SIPA1L2: variants seen among roughly 807,000 people sequenced by gnomAD.
The protein encoded by SIPA1L2 is signal-induced proliferation-associated 1-like protein 2.
SIPA1L2 carries 56 observed loss-of-function variants against 163.9 expected under a neutral mutation model. The observed-to-expected ratio is 0.34, with a 90% CI of 0.28 to 0.43. The LOEUF (loss-of-function observed/expected upper bound fraction) is 0.43, where lower values mean the gene tolerates loss of function less well. SIPA1L2 is among the 20% of genes least tolerant of loss of function. The pLI is 1.00. For synonymous variants in SIPA1L2, 877 were observed against 865.7 expected (o/e 1.01, Z -0.23); for missense variants, 1,974 against 2,193.5 (o/e 0.90, Z 2.00).
At chr1:232,459,215 C>T (rs187191187) in intron 10 of SIPA1L2, among the ~76,000 whole-genome samples, 16 of 152,262 alleles carry the variant, frequency 1.1e-4, no homozygotes, top group Admixed American at 1.0e-3. Flanking sequence ...CAACACGTGG[C>T]CAATTAAATG....
Position 232,536,513 on chromosome 1 carries a change from C to T in SIPA1L2, c.-269-20905G>A, listed in dbSNP as rs74144363. 8.2e-3 allele frequency among the ~76,000 whole-genome samples: 1,243 copies of T among 152,238 alleles called. 26 individuals carry two copies. The highest frequency in any genetic ancestry group is 0.029 in the African/African-American group (1,190 of 41,528). On this transcript the variant is annotated intron_variant, in intron 2 of 22. Transcript: ENST00000674635. ...CCCTGTTTCAGATGGTATGTGACAC[C>T]AGTGATGCAAAGCCCAGGGACTGAG...
At chr1:232,583,789 C>T (rs142874068) in intron 1 of SIPA1L2, among the ~76,000 whole-genome samples, 1 of 152,142 alleles carries the variant, frequency 6.6e-6, no homozygotes, top group Non-Finnish European at 1.5e-5. Flanking sequence ...AAACTGATAA[C>T]TCTGCTAATA....
At chr1:232,560,048 T>A (rs1232964980) in intron 2 of SIPA1L2, among the ~76,000 whole-genome samples, 6 of 152,232 alleles carry the variant, frequency 3.9e-5, no homozygotes, top group Non-Finnish European at 8.8e-5. Context: ...GCTCTCTCTC[T>A]CACACACAGA....
At chr1:232,609,913 G>C (rs1406429642) in intron 1 of SIPA1L2, among the ~76,000 whole-genome samples, 1 of 151,758 alleles carries the variant, frequency 6.6e-6, no homozygotes, top group Non-Finnish European at 1.5e-5. Flanking sequence ...ATAATGATAT[G>C]CATGATGTCT....
intron 1 of SIPA1L2, among the ~76,000 whole-genome samples, chr1:232,601,774 A>G (rs1042987979): frequency 6.6e-6 from 1 of 152,232 alleles, no homozygotes; most frequent in African/African-American, 2.4e-5. Context: ...TCTTTACAGT[A>G]CATTTTTCAA....
chr1:232,483,124 T>A (rs1665449113), intron 6 of SIPA1L2, among the ~76,000 whole-genome samples: 1 of 151,932 alleles, frequency 6.6e-6, no homozygotes, highest in African/African-American at 2.4e-5. Flanking sequence ...TTAGACAAAT[T>A]CATGCATCCT....
rs187219438 is a variant in SIPA1L2 at position 232,522,381 on chromosome 1, T to C, written c.-269-6773A>G. 2.9e-4 allele frequency among the ~76,000 whole-genome samples: 44 copies of C among 152,272 alleles called. 1 individual carries two copies. Among genetic ancestry groups the C allele is most frequent in the Admixed American group, 2.8e-3 (43 of 15,294 alleles). On this transcript the variant is annotated intron_variant, in intron 2 of 22. Coordinates refer to ENST00000674635, the MANE Select transcript of SIPA1L2 (RefSeq NM_020808.5). Reference sequence around the variant, plus strand: ...CCTCTGCCCACATCTCTTCAAGATGTATTTATTTCCTGCCTTACTAAGAGG... The same window carrying C: ...CCTCTGCCCACATCTCTTCAAGATGCATTTATTTCCTGCCTTACTAAGAGG...
chr1:232,627,489 G>C lies in SIPA1L2; in HGVS notation c.-319+2380C>G, dbSNP rs140947681. ...GTGTTTACTAAGCTCAGGTATCAAG[G>C]AACCCTTCAAAACACCATCCCAGTC... On this transcript the variant is annotated intron_variant, in intron 1 of 22. Transcript: ENST00000674635. 9.8e-3 allele frequency among the ~76,000 whole-genome samples: 1,479 copies of C among 151,544 alleles called. 15 individuals carry two copies. The highest frequency in any genetic ancestry group is 0.012 in the Non-Finnish European group (823 of 67,890).
intron 2 of SIPA1L2, among the ~76,000 whole-genome samples, chr1:232,520,018 T>C (rs113471911): frequency 0.023 from 3,492 of 152,310 alleles, 144 homozygotes; most frequent in African/African-American, 0.078. Flanking sequence ...GCAACATGAA[T>C]ATCTTTTCTT....
intron 3 of SIPA1L2, among the ~76,000 whole-genome samples, chr1:232,511,096 C>T (rs188325064): frequency 6.6e-6 from 1 of 152,132 alleles, no homozygotes; most frequent in East Asian, 1.9e-4. Context: ...CTAACTTCCA[C>T]CTAGAGAGCA....
At chr1:232,471,237 C>A in intron 8 of SIPA1L2, 134 bp downstream of exon 8, 1 of 970,894 alleles carries the variant, frequency 1.0e-6, no homozygotes, top group Non-Finnish European at 1.5e-6. Context: ...GCAATTATTT[C>A]TTACAGAAAG....
At position 232,450,692 on chromosome 1, in the gene SIPA1L2, G is replaced by A. The variant is rs532373292; in HGVS notation, c.3096-4906C>T. Among the ~76,000 whole-genome samples, 16 of 152,324 alleles carry A rather than the reference G, an allele frequency of 1.1e-4. 1 individual carries two copies. In the South Asian group the frequency reaches 2.5e-3, roughly 24 times the overall value. On this transcript the variant is annotated intron_variant, in intron 10 of 22. Transcript: ENST00000674635. ...CAGTGCTTGTTTGGCCTTCAAGTTT[G>A]TTTGGTATGGTTTTTAAGAGGAAAA...
At chr1:232,407,242 T>C (rs12731562) in intron 19 of SIPA1L2, among the ~76,000 whole-genome samples, 7,946 of 152,316 alleles carry the variant, frequency 0.052, 279 homozygotes, top group South Asian at 0.085. Flanking sequence ...ACTTTGCATT[T>C]TTCACCCATG....
intron 3 of SIPA1L2, among the ~76,000 whole-genome samples, chr1:232,498,629 C>T (rs569951147): frequency 9.2e-5 from 14 of 152,284 alleles, no homozygotes; most frequent in African/African-American, 2.9e-4. Context: ...ACATTCGTTA[C>T]GTTTCTTGGC....
intron 4 of SIPA1L2, 109 bp from the exon 5 acceptor site, chr1:232,491,171 C>T: frequency 2.0e-6 from 2 of 983,782 alleles, no homozygotes; most frequent in South Asian, 1.7e-5. Flanking sequence ...AAGGCTCTTT[C>T]TGAGTGTAGT....
At chr1:232,484,967 CT>C (rs953830801) in intron 5 of SIPA1L2, among the ~76,000 whole-genome samples, 7 of 152,174 alleles carry the variant, frequency 4.6e-5, no homozygotes, top group African/African-American at 1.7e-4. Flanking sequence ...CAAAATGATA[CT>C]CATTTCCCTT....
chr1:232,608,035 G>A (rs1377834009), intron 1 of SIPA1L2, among the ~76,000 whole-genome samples: 1 of 92,014 alleles, frequency 1.1e-5, no homozygotes, highest in African/African-American at 5.3e-5. Flanking sequence ...CAACAAGAGC[G>A]AAACTCCATC....
chr1:232,402,645 T>G (rs1267520374), intron 21 of SIPA1L2, 172 bp from the exon 22 acceptor site: 2 of 501,236 alleles, frequency 4.0e-6, no homozygotes, highest in East Asian at 7.2e-5. Flanking sequence ...GGAAAGCCCA[T>G]TCTGGGACTT....
intron 1 of SIPA1L2, among the ~76,000 whole-genome samples, chr1:232,584,076 G>A (rs764526629): frequency 1.3e-5 from 2 of 151,292 alleles, no homozygotes; most frequent in Non-Finnish European, 2.9e-5. Flanking sequence ...ATGTTTGATT[G>A]TAGATCATAA....
Sources: allele counts gnomAD v4.1 joint callset (sites outside exome capture counted in the v4.1 genomes callset), GRCh38; gene constraint gnomAD v4.1.1; transcripts MANE v1.5; gene names NCBI Gene and HGNC (gene_info 2026-07-23, HGNC 2026-07-21).